The following UBE2E2 variants were observed in gnomAD, a reference collection of about 807,000 sequenced individuals.
The protein encoded by UBE2E2 is ubiquitin conjugating enzyme E2 E2.
In UBE2E2, 6 loss-of-function variants were observed where a neutral mutation model predicts 24.7. The observed-to-expected ratio is 0.24, with a 90% CI of 0.13 to 0.48. The LOEUF is 0.48. UBE2E2 is among the 20% of genes least tolerant of loss of function. The pLI is 0.99. For synonymous variants in UBE2E2, 104 were observed against 83.6 expected, an observed-to-expected ratio of 1.24 and a Z score of -1.33; for missense variants, 169 against 245.0, an observed-to-expected ratio of 0.69 and a Z score of 2.07.
chr3:23,209,747 C>G (rs1696265965), intron 2 of UBE2E2, among the ~76,000 whole-genome samples: 1 of 152,114 alleles, frequency 6.6e-6, no homozygotes, highest in Non-Finnish European at 1.5e-5. Context: ...TTATTTTGTT[C>G]TAGTAGACCT....
chr3:23,422,929 C>G (rs528901797), intron 3 of UBE2E2, among the ~76,000 whole-genome samples: 2 of 152,280 alleles, frequency 1.3e-5, no homozygotes, highest in South Asian at 2.1e-4. Context: ...CAGCTCTTCT[C>G]CATATCTTCA....
chr3:23,526,871 T>G (rs1224089801), intron 4 of UBE2E2, among the ~76,000 whole-genome samples: 1 of 152,224 alleles, frequency 6.6e-6, no homozygotes, highest in Non-Finnish European at 1.5e-5. Flanking sequence ...TAAAACTCTG[T>G]CCAGAAATTC....
intron 3 of UBE2E2, among the ~76,000 whole-genome samples, chr3:23,224,011 G>T (rs1365230754): frequency 1.3e-5 from 2 of 152,110 alleles, no homozygotes; most frequent in Admixed American, 1.3e-4. Context: ...CCATGTGTCT[G>T]TTTTTATGCC....
chr3:23,516,346 A>G (rs555175021), intron 4 of UBE2E2, among the ~76,000 whole-genome samples: 11 of 152,324 alleles, frequency 7.2e-5, no homozygotes, highest in African/African-American at 2.2e-4. Context: ...GTGAAACTGC[A>G]TTATAACTGT....
chr3:23,470,517 G>A (rs1409455392), intron 3 of UBE2E2, among the ~76,000 whole-genome samples: 3 of 152,038 alleles, frequency 2.0e-5, no homozygotes, highest in Non-Finnish European at 4.4e-5. Context: ...GTTCTCTGAG[G>A]GAAATTGAAA....
intron 3 of UBE2E2, among the ~76,000 whole-genome samples, chr3:23,369,993 T>G (rs1696362498): frequency 6.6e-6 from 1 of 152,176 alleles, no homozygotes; most frequent in Non-Finnish European, 1.5e-5. Flanking sequence ...AATATCCCCA[T>G]GTGGGAAATG....
chr3:23,386,333 C>T (rs1696803529), intron 3 of UBE2E2, among the ~76,000 whole-genome samples: 1 of 152,144 alleles, frequency 6.6e-6, no homozygotes, highest in Non-Finnish European at 1.5e-5. Context: ...CAAGCTGCCT[C>T]AAGCTTCTTT....
intron 4 of UBE2E2, among the ~76,000 whole-genome samples, chr3:23,502,234 CTT>C (rs34962134): frequency 0.29 from 41,521 of 143,710 alleles, 6,259 homozygotes; most frequent in African/African-American, 0.37. Flanking sequence ...CTCTTTTGCT[CTT>C]TTTTTTTTTT....
chr3:23,251,637 A>C (rs1418527751), intron 3 of UBE2E2, among the ~76,000 whole-genome samples: 2 of 152,252 alleles, frequency 1.3e-5, no homozygotes, highest in Non-Finnish European at 2.9e-5. Context: ...AATTATTTGT[A>C]AAGTGATTCA....
chr3:23,271,224 G>A (rs1251616888), intron 3 of UBE2E2: 9 of 377,454 alleles, frequency 2.4e-5, no homozygotes, highest in South Asian at 8.3e-5. Flanking sequence ...GGACCCTCGC[G>A]GTGAGTGTTA....
chr3:23,294,239 T>G (rs1264141614), intron 3 of UBE2E2, among the ~76,000 whole-genome samples: 1 of 152,180 alleles, frequency 6.6e-6, no homozygotes, highest in African/African-American at 2.4e-5. Context: ...ATAACAAAGA[T>G]AGATAAAAAG....
chr3:23,372,377 T>G (rs1425551381), intron 3 of UBE2E2, among the ~76,000 whole-genome samples: 1 of 152,198 alleles, frequency 6.6e-6, no homozygotes, highest in African/African-American at 2.4e-5. Context: ...ACTAGCCAAT[T>G]TATTTCACTT....
chr3:23,569,457 A>T (rs1018913500), intron 5 of UBE2E2, among the ~76,000 whole-genome samples: 2 of 152,246 alleles, frequency 1.3e-5, no homozygotes, highest in African/African-American at 2.4e-5. Flanking sequence ...TGTGCACTTT[A>T]AATGGGTGTA....
chr3:23,515,123 GT>G (rs1559408370), intron 4 of UBE2E2, among the ~76,000 whole-genome samples: 46 of 18,946 alleles, frequency 2.4e-3, no homozygotes, highest in African/African-American at 8.0e-3. Context: ...AACTTGGGGT[GT>G]GTGTGTGTGT....
chr3:23,505,937 T>C lies in UBE2E2; in HGVS notation c.360+6197T>C, dbSNP rs1044508772. Among the ~76,000 whole-genome samples the C allele has an allele frequency of 2.0e-5, 3 of 152,242 alleles. No homozygotes were observed. In the East Asian group the frequency reaches 5.8e-4, roughly 29 times the overall value. ...AATTAGTTACGATAAGAAACAGTGATATTCAGCATCTGAAAGCCAGAGAGA... is the reference window on the plus strand; with the variant it reads ...AATTAGTTACGATAAGAAACAGTGACATTCAGCATCTGAAAGCCAGAGAGA... On this transcript the variant is annotated intron_variant, in intron 4 of 5. Coordinates refer to ENST00000396703, the MANE Select transcript of UBE2E2 (RefSeq NM_152653.4).
intron 3 of UBE2E2, among the ~76,000 whole-genome samples, chr3:23,389,231 A>G (rs1299728105): frequency 6.6e-6 from 1 of 152,160 alleles, no homozygotes; most frequent in African/African-American, 2.4e-5. Flanking sequence ...GCCTCAAGCA[A>G]TCCTGCGGAG....
At chr3:23,356,252 A>G (rs1222427223) in intron 3 of UBE2E2, among the ~76,000 whole-genome samples, 1 of 152,248 alleles carries the variant, frequency 6.6e-6, no homozygotes, top group Non-Finnish European at 1.5e-5. Context: ...TAGATGATCA[A>G]GAGTTTAAGC....
chr3:23,360,266 T>C (rs755884843), intron 3 of UBE2E2, among the ~76,000 whole-genome samples: 1 of 152,160 alleles, frequency 6.6e-6, no homozygotes, highest in Non-Finnish European at 1.5e-5. Flanking sequence ...AAGTGAGTGC[T>C]GTAACTTAGA....
intron 4 of UBE2E2, among the ~76,000 whole-genome samples, chr3:23,527,065 G>T (rs941204759): frequency 6.6e-6 from 1 of 152,076 alleles, no homozygotes; most frequent in Non-Finnish European, 1.5e-5. Context: ...AAATGAAAAA[G>T]TGTTCAACAT....
Sources: gnomAD v4.1 joint callset for allele counts (sites outside exome capture counted in the v4.1 genomes callset) on GRCh38, gnomAD v4.1.1 for gene constraint, MANE v1.5 for transcripts, NCBI Gene and HGNC (gene_info 2026-07-23, HGNC 2026-07-21) for gene names.